C12orf42: variants seen among roughly 807,000 people sequenced by gnomAD.
C12orf42 encodes uncharacterized protein C12orf42.
Under a neutral mutation model 21.6 loss-of-function variants are expected in C12orf42, and 25 were observed. The observed-to-expected ratio is 1.16, with a 90% CI of 0.84 to 1.62. The LOEUF (loss-of-function observed/expected upper bound fraction) is 1.62. Among genes scored for constraint, C12orf42 ranks in the 40% most tolerant of loss-of-function variants. The pLI, the probability that C12orf42 is intolerant of heterozygous loss-of-function variation, is 0.00. For synonymous variants in C12orf42, 174 were observed against 175.0 expected, an observed-to-expected ratio of 0.99 and a Z score of 0.05; for missense variants, 483 against 459.3, an observed-to-expected ratio of 1.05 and a Z score of -0.47.
intron 3 of C12orf42, among the ~76,000 whole-genome samples, chr12:103,393,095 G>T (rs1257123802): frequency 6.7e-6 from 1 of 149,074 alleles, no homozygotes; most frequent in Non-Finnish European, 1.5e-5. Context: ...CAGTCAACCA[G>T]AATCAGTTTC....
the C12orf42 span, among the ~76,000 whole-genome samples, chr12:103,139,099 T>A: frequency 5.6e-3 from 850 of 152,328 alleles, 1 homozygote; most frequent in Non-Finnish European, 8.8e-3. Context: ...TATCATACTT[T>A]ACTAACAAAC....
the C12orf42 span, among the ~76,000 whole-genome samples, chr12:103,084,537 A>G: frequency 4.3e-4 from 65 of 152,314 alleles, no homozygotes; most frequent in South Asian, 3.3e-3. Flanking sequence ...ATATATATAA[A>G]TGTTTTGAGA....
intron 4 of C12orf42, among the ~76,000 whole-genome samples, chr12:103,335,765 C>T (rs1265408398): frequency 6.6e-6 from 1 of 152,192 alleles, no homozygotes; most frequent in Non-Finnish European, 1.5e-5. Flanking sequence ...ATCCTCCCTC[C>T]TATTTGTGGC....
chr12:103,372,571 G>T (rs2045349546), intron 3 of C12orf42, among the ~76,000 whole-genome samples: 1 of 152,052 alleles, frequency 6.6e-6, no homozygotes, highest in South Asian at 2.1e-4. Context: ...GCTGGATCAG[G>T]ATCTGAATTT....
chr12:103,134,097 C>A, the C12orf42 span, among the ~76,000 whole-genome samples: 2 of 152,166 alleles, frequency 1.3e-5, no homozygotes, highest in Non-Finnish European at 2.9e-5. Context: ...ATAGATACCT[C>A]TTCAGGAAAA....
chr12:103,286,498 C>T lies in C12orf42; in HGVS notation n.338-9288G>A, dbSNP rs113731349. Among the ~76,000 whole-genome samples, 279 of 151,356 alleles carry T rather than the reference C, an allele frequency of 1.8e-3. 2 individuals are homozygous for T. The highest frequency in any genetic ancestry group is 3.9e-3 in the Admixed American group (59 of 15,190). ...TATAAAATAATATCATAGTAACCGACTCAGACTTAATGTGAGGTATGTATC... is the reference window on the plus strand; with the variant it reads ...TATAAAATAATATCATAGTAACCGATTCAGACTTAATGTGAGGTATGTATC... On this transcript the variant is annotated intron_variant and non_coding_transcript_variant, in intron 4 of 6. Coordinates refer to the C12orf42 transcript ENST00000546526.
At position 103,305,823 on chromosome 12, in the gene C12orf42, T is replaced by C; in HGVS notation, c.631+151A>G. 2.0e-6 allele frequency: 2 copies of C among 975,982 alleles called. 1 individual carries two copies. Among genetic ancestry groups the C allele is most frequent in the South Asian group, 3.8e-5 (2 of 52,184 alleles). The allele number at this position is 975,982 out of a possible 1,614,324, so 60.5% of individuals were successfully genotyped here. On this transcript the variant is annotated intron_variant, in intron 5 of 5. Transcript: ENST00000548883. Reference sequence around the variant, plus strand: ...ATATAATGCTTGACAACAAGCAGACTTTCATTGAAGACTGGCTACTACAGT... The same window carrying C: ...ATATAATGCTTGACAACAAGCAGACCTTCATTGAAGACTGGCTACTACAGT...
the C12orf42 span, among the ~76,000 whole-genome samples, chr12:103,223,296 G>T: frequency 2.6e-5 from 4 of 152,056 alleles, no homozygotes; most frequent in Non-Finnish European, 5.9e-5. Flanking sequence ...TTAAGCTGAA[G>T]GGAGGTCTTG....
intron 3 of C12orf42, among the ~76,000 whole-genome samples, chr12:103,369,941 C>A (rs540757079): frequency 5.8e-4 from 88 of 152,238 alleles, no homozygotes; most frequent in Admixed American, 5.8e-3. Flanking sequence ...AGTAAACAGA[C>A]AACCTACAGA....
downstream of C12orf42, among the ~76,000 whole-genome samples, chr12:103,301,054 C>T (rs528146740): frequency 1.2e-4 from 18 of 152,280 alleles, no homozygotes; most frequent in African/African-American, 4.1e-4. Flanking sequence ...ACTAAACAGA[C>T]TCTTAAATGT....
chr12:103,246,572 A>T (rs2034020081), intron 10 of C12orf42, among the ~76,000 whole-genome samples: 1 of 152,074 alleles, frequency 6.6e-6, no homozygotes, highest in South Asian at 2.1e-4. Context: ...GTGTGGATAT[A>T]ACCCTTGGAA....
rs138698821 is a variant in C12orf42, at chr12:103,477,003, C to A, written c.78+1346G>T. ...TTATAGAGATTTCACTGTGATCCAG[C>A]TTACTGAAAAAAAAATGTGATGTTA... On this transcript the variant is annotated intron_variant, in intron 2 of 5. Transcript: ENST00000548883. The A allele has an allele frequency of 9.9e-5, 15 of 152,098 alleles. No homozygotes were observed. In the East Asian group the frequency reaches 2.9e-3, roughly 29 times the overall value. The allele number at this position is 152,098 out of a possible 1,614,324, so 9.4% of individuals were successfully genotyped here.
At chr12:103,467,910 T>C (rs1029671586) in intron 2 of C12orf42, among the ~76,000 whole-genome samples, 5 of 152,170 alleles carry the variant, frequency 3.3e-5, no homozygotes, top group Non-Finnish European at 5.9e-5. Context: ...AGCCCTCCTG[T>C]GGGGTATTCT....
intron 2 of C12orf42, among the ~76,000 whole-genome samples, chr12:103,450,016 T>C (rs1446483126): frequency 2.0e-5 from 3 of 151,994 alleles, no homozygotes; most frequent in Non-Finnish European, 2.9e-5. Flanking sequence ...GTAAATGATA[T>C]CTTGTATTAT....
chr12:103,286,285 TAAATAAATAAAGTAA>T (rs2036456521), intron 4 of C12orf42, among the ~76,000 whole-genome samples: 2 of 149,036 alleles, frequency 1.3e-5, no homozygotes, highest in Non-Finnish European at 3.0e-5. Flanking sequence ...AATAAATAAA[TAAATAAATAAAGTAA>T]AAATAAATAA....
upstream of C12orf42, among the ~76,000 whole-genome samples, chr12:103,500,176 G>T (rs1294677953): frequency 6.6e-6 from 1 of 152,160 alleles, no homozygotes; most frequent in African/African-American, 2.4e-5. Context: ...TTAAATGATG[G>T]TTCATATGTC....
At chr12:103,488,393 T>C (rs1954976366) in intron 1 of C12orf42, among the ~76,000 whole-genome samples, 1 of 152,218 alleles carries the variant, frequency 6.6e-6, no homozygotes, top group Non-Finnish European at 1.5e-5. Flanking sequence ...ATTTTTTCCT[T>C]CATTTCAACC....
chr12:103,164,143 C>A, the C12orf42 span, among the ~76,000 whole-genome samples: 1 of 152,144 alleles, frequency 6.6e-6, no homozygotes. Context: ...CAAAAGCAAC[C>A]TAGACAATGA....
chr12:103,256,109 TATACACACAC>T (rs1326210351), intron 10 of C12orf42, among the ~76,000 whole-genome samples: 128 of 43,806 alleles, frequency 2.9e-3, no homozygotes, highest in Middle Eastern at 0.02. Flanking sequence ...TATATATATA[TATACACACAC>T]ACACACACAC....
Sources: gnomAD v4.1 joint callset for allele counts (sites outside exome capture counted in the v4.1 genomes callset) on GRCh38, gnomAD v4.1.1 for gene constraint, MANE v1.5 for transcripts, NCBI Gene and HGNC (gene_info 2026-07-23, HGNC 2026-07-21) for gene names.